The following SBF2 variants were observed in gnomAD, a reference collection of about 807,000 sequenced individuals.
SBF2 encodes the protein myotubularin-related protein 13.
Under a neutral mutation model 225.2 loss-of-function variants are expected in SBF2, and 112 were observed. The observed-to-expected ratio is 0.50, with a 90% confidence interval of 0.43 to 0.58. The LOEUF is 0.58. Among genes scored for constraint, SBF2 ranks in the 20% least tolerant of loss-of-function variants. The pLI is 0.00. For missense variants in SBF2, 1,996 were observed against 2,206.2 expected, an observed-to-expected ratio of 0.90 and a Z score of 1.91; for synonymous variants, 763 against 773.3, an observed-to-expected ratio of 0.99 and a Z score of 0.22.
At chr11:9,971,443 T>C (rs2134397626) in intron 13 of SBF2, among the ~76,000 whole-genome samples, 1 of 152,112 alleles carries the variant, frequency 6.6e-6, no homozygotes, top group East Asian at 1.9e-4. Flanking sequence ...CTTTGGGAGT[T>C]CGGAGTGGGC....
intron 16 of SBF2, among the ~76,000 whole-genome samples, chr11:9,916,459 C>T (rs1863099689): frequency 6.6e-6 from 1 of 152,070 alleles, no homozygotes; most frequent in East Asian, 1.9e-4. Context: ...CACATATTTC[C>T]CTGTGCTTCA....
rs186622883 is a variant in SBF2, at chr11:10,108,820, G to A, written c.142-65839C>T. Among the ~76,000 whole-genome samples the A allele has an allele frequency of 1.3e-3, 193 of 152,176 alleles. 1 individual carries two copies. The East Asian group carries it at 0.037, about 29-fold the overall frequency. ...ATTACAGGCGTGAGCCACCGCGCCC[G>A]GCCAATAGTTAACTTTTTAAGGGGA... On this transcript the variant is annotated intron_variant, in intron 2 of 39. Transcript: ENST00000256190.
chr11:9,963,976 C>T (rs555939994), intron 14 of SBF2, 94 bp from the exon 15 acceptor site: 274 of 751,274 alleles, frequency 3.6e-4, no homozygotes, highest in Non-Finnish European at 5.4e-4. Flanking sequence ...GTAGGTTGGG[C>T]GTGGAGGCTC....
At chr11:10,183,014 G>A (rs1027356178) in intron 2 of SBF2, among the ~76,000 whole-genome samples, 1 of 151,806 alleles carries the variant, frequency 6.6e-6, no homozygotes, top group Non-Finnish European at 1.5e-5. Context: ...TTTGTGATCC[G>A]CCCGCCTCGG....
chr11:10,227,203 T>C (rs1234364670), intron 1 of SBF2, among the ~76,000 whole-genome samples: 1 of 152,232 alleles, frequency 6.6e-6, no homozygotes, highest in Non-Finnish European at 1.5e-5. Context: ...TTGAGTTCAT[T>C]GTAGATTCTG....
At chr11:9,905,355 C>T (rs1590391079) in intron 16 of SBF2, among the ~76,000 whole-genome samples, 1 of 152,154 alleles carries the variant, frequency 6.6e-6, no homozygotes, top group African/African-American at 2.4e-5. Context: ...GAATGTCATA[C>T]AAAGCTGAAA....
chr11:9,824,515 ATCGC>A (rs1409272881), intron 28 of SBF2, among the ~76,000 whole-genome samples: 1 of 151,202 alleles, frequency 6.6e-6, no homozygotes, highest in East Asian at 1.9e-4. Context: ...CAAGATCAAG[ATCGC>A]TCCACTGCAC....
At chr11:9,954,232 T>A (rs1866019241) in intron 16 of SBF2, among the ~76,000 whole-genome samples, 1 of 152,188 alleles carries the variant, frequency 6.6e-6, no homozygotes, top group Non-Finnish European at 1.5e-5. Context: ...AACTTCTAGG[T>A]CATGAAAAGT....
At chr11:10,278,656 G>A (rs375928611) in intron 1 of SBF2, among the ~76,000 whole-genome samples, 16 of 151,908 alleles carry the variant, frequency 1.1e-4, no homozygotes, top group African/African-American at 2.7e-4. Flanking sequence ...GGTGGCAGGC[G>A]CCTGTAATCC....
chr11:9,910,754 A>G (rs1862537654), intron 16 of SBF2, among the ~76,000 whole-genome samples: 1 of 152,038 alleles, frequency 6.6e-6, no homozygotes, highest in South Asian at 2.1e-4. Context: ...TTAAAAATAG[A>G]AAACACAGCT....
At chr11:9,995,287 AGAG>A (rs1947643715) in intron 9 of SBF2, among the ~76,000 whole-genome samples, 1 of 152,226 alleles carries the variant, frequency 6.6e-6, no homozygotes, top group African/African-American at 2.4e-5. Context: ...GGACTTGCAC[AGAG>A]AAGATGAAAT....
intron 2 of SBF2, among the ~76,000 whole-genome samples, chr11:10,159,189 T>C (rs763343264): frequency 2.6e-5 from 4 of 152,194 alleles, no homozygotes; most frequent in Non-Finnish European, 5.9e-5. Context: ...GCTGTCCTTG[T>C]TTGTTCCTTG....
intron 2 of SBF2, among the ~76,000 whole-genome samples, chr11:10,118,466 G>T (rs1229816274): frequency 1.3e-5 from 2 of 152,008 alleles, no homozygotes; most frequent in Admixed American, 6.6e-5. Flanking sequence ...ATCAAATTTT[G>T]CCCAAAGTAA....
chr11:9,806,586 AT>A (rs753691026), intron 32 of SBF2, among the ~76,000 whole-genome samples: 7 of 152,192 alleles, frequency 4.6e-5, no homozygotes, highest in Non-Finnish European at 1.0e-4. Context: ...CAGAAAACAA[AT>A]ATAGTATACT....
At chr11:9,839,454 G>A in intron 26 of SBF2, 44 bp downstream of exon 26, 1 of 1,575,506 alleles carries the variant, frequency 6.3e-7, no homozygotes, top group Non-Finnish European at 8.7e-7. Context: ...CAAATAAGAA[G>A]AAAGGAAGGA....
intron 2 of SBF2, among the ~76,000 whole-genome samples, chr11:10,148,268 C>T (rs1190594927): frequency 6.6e-6 from 1 of 152,010 alleles, no homozygotes; most frequent in Admixed American, 6.6e-5. Context: ...ATTTAGGGAA[C>T]TAAGTTCCAA....
chr11:10,148,500 A>ATT (rs77547170), intron 2 of SBF2, among the ~76,000 whole-genome samples: 39 of 149,920 alleles, frequency 2.6e-4, no homozygotes, highest in Middle Eastern at 6.8e-3. Flanking sequence ...CTAAATACCT[A>ATT]TTTTTTTTTT....
chr11:10,129,389 C>T (rs1222350473), intron 2 of SBF2, among the ~76,000 whole-genome samples: 2 of 152,122 alleles, frequency 1.3e-5, no homozygotes, highest in South Asian at 4.1e-4. Flanking sequence ...AGGCATGAGC[C>T]ACCGCGCCCG....
intron 2 of SBF2, among the ~76,000 whole-genome samples, chr11:10,142,628 TA>T (rs1322250252): frequency 1.3e-5 from 2 of 152,200 alleles, no homozygotes; most frequent in African/African-American, 4.8e-5. Flanking sequence ...TATAATTCTA[TA>T]AAACACTGAT....
Sources: gnomAD v4.1 joint callset for allele counts (sites outside exome capture counted in the v4.1 genomes callset) on GRCh38, gnomAD v4.1.1 for gene constraint, MANE v1.5 for transcripts, NCBI Gene and HGNC (gene_info 2026-07-23, HGNC 2026-07-21) for gene names.